PARD3: variants seen among roughly 807,000 people sequenced by gnomAD.
PARD3 encodes the protein partitioning defective 3 homolog.
A neutral mutation model predicts 155.4 loss-of-function variants in PARD3; 75 were observed. The observed-to-expected ratio is 0.48, with a 90% CI of 0.40 to 0.58. The LOEUF (loss-of-function observed/expected upper bound fraction) is 0.58, where lower values mean the gene tolerates loss of function less well. Among genes scored for constraint, PARD3 ranks in the 20% least tolerant of loss-of-function variants. The pLI, the probability that PARD3 is intolerant of heterozygous loss-of-function variation, is 0.00. For missense variants in PARD3, 1,642 were observed against 1,721.7 expected, an observed-to-expected ratio of 0.95 and a Z score of 0.82; for synonymous variants, 576 against 610.5, an observed-to-expected ratio of 0.94 and a Z score of 0.83.
In PARD3 at chr10:34,124,699, T is replaced by TTC. The variant is rs1265013114; in HGVS notation, c.3541-4961_3541-4960dup. ...TGAAAAGACTGCAAAGCACACCCGT[T>TTC]TCCCTCATGAAGTTTTTAGAAATGA... On this transcript the variant is annotated intron_variant, in intron 23 of 24. Transcript: ENST00000374788. Among the ~76,000 whole-genome samples, 11 of 152,296 alleles carry TTC rather than the reference T, an allele frequency of 7.2e-5. No individual in the cohort carries two copies. The East Asian group carries it at 1.9e-3, about 27-fold the overall frequency.
At chr10:34,303,944 A>G (rs1026022840) in intron 20 of PARD3, among the ~76,000 whole-genome samples, 4 of 152,184 alleles carry the variant, frequency 2.6e-5, no homozygotes, top group African/African-American at 9.7e-5. Flanking sequence ...GTGGAGCAAG[A>G]TAGAGGTACA....
Position 34,733,931 on chromosome 10 carries a change from A to C in PARD3, c.121-37512T>G, listed in dbSNP as rs112469250. On this transcript the variant is annotated intron_variant, in intron 1 of 24. Transcript: ENST00000374788. ...GAAGAGAGTAAATTATGCTTCTGCG[A>C]AAGTAAAATCAAAGCTGTTTTTTTT... Among the ~76,000 whole-genome samples the C allele has an allele frequency of 3.4e-3, 505 of 149,318 alleles. 1 individual carries two copies. The highest frequency in any genetic ancestry group is 0.012 in the African/African-American group (480 of 40,566).
chr10:34,348,775 C>A (rs78976144), intron 14 of PARD3, among the ~76,000 whole-genome samples: 4,098 of 152,030 alleles, frequency 0.027, 173 homozygotes, highest in African/African-American at 0.094. Context: ...ATATGAAAAT[C>A]GGGACCAAAT....
chr10:34,490,944 G>T (rs1477406753), intron 3 of PARD3, among the ~76,000 whole-genome samples: 1 of 152,170 alleles, frequency 6.6e-6, no homozygotes, highest in East Asian at 1.9e-4. Flanking sequence ...AGCTCTTCAG[G>T]TCATTGTAAC....
At chr10:34,593,063 AGG>A (rs2088871725) in intron 2 of PARD3, among the ~76,000 whole-genome samples, 1 of 152,206 alleles carries the variant, frequency 6.6e-6, no homozygotes, top group Non-Finnish European at 1.5e-5. Context: ...GTAAAGGAAG[AGG>A]GTAGTGAGAA....
At position 34,809,383 on chromosome 10, in the gene PARD3, C is replaced by T. The variant is rs181895169; in HGVS notation, c.120+5493G>A. On this transcript the variant is annotated intron_variant, in intron 1 of 24. Coordinates refer to ENST00000374788, the MANE Select transcript of PARD3 (RefSeq NM_001184785.2). ...GGCGCACGGATACACTTGAAAACCA[C>T]ACAGCACAGCCCAAGCATCTGAGTC... Among the ~76,000 whole-genome samples, 17 of 152,284 alleles carry T rather than the reference C, an allele frequency of 1.1e-4. No homozygotes were observed. The East Asian group carries it at 3.3e-3, about 29-fold the overall frequency.
At chr10:34,730,323 A>G (rs2094794205) in intron 1 of PARD3, among the ~76,000 whole-genome samples, 1 of 152,212 alleles carries the variant, frequency 6.6e-6, no homozygotes, top group African/African-American at 2.4e-5. Flanking sequence ...TAAAGGATAA[A>G]TTAACCAGAC....
At chr10:34,634,313 C>T (rs886880014) in intron 2 of PARD3, among the ~76,000 whole-genome samples, 2 of 152,046 alleles carry the variant, frequency 1.3e-5, no homozygotes. Flanking sequence ...CAGAACAGTA[C>T]GTATAGCGGG....
intron 1 of PARD3, among the ~76,000 whole-genome samples, chr10:34,807,762 T>G (rs532680511): frequency 2.6e-5 from 4 of 152,164 alleles, no homozygotes; most frequent in African/African-American, 7.2e-5. Context: ...ATATACTCTG[T>G]TTAGGTGAAA....
intron 2 of PARD3, among the ~76,000 whole-genome samples, chr10:34,542,232 TGTGTGTG>T (rs1429707340): frequency 2.2e-4 from 1 of 4,594 alleles, no homozygotes; most frequent in Non-Finnish European, 2.5e-3. Flanking sequence ...TGTGTGTGTG[TGTGTGTG>T]CACACACACA....
rs576431278 is a variant in PARD3 at position 34,411,753 on chromosome 10, T to C, written c.715-9836A>G. On this transcript the variant is annotated intron_variant, in intron 5 of 24. Transcript: ENST00000374788. Reference sequence around the variant, plus strand: ...ATATCTAGATAGATAGATAGATAGATAGATAGATAGATAGATAGATAGATA... The same window carrying C: ...ATATCTAGATAGATAGATAGATAGACAGATAGATAGATAGATAGATAGATA... Among the ~76,000 whole-genome samples the C allele has an allele frequency of 4.3e-4, 64 of 149,666 alleles. 1 individual carries two copies. The highest frequency in any genetic ancestry group is 1.6e-3 in the African/African-American group (62 of 39,382).
At chr10:34,335,784 A>G (rs1369177295) in intron 18 of PARD3, among the ~76,000 whole-genome samples, 2 of 152,074 alleles carry the variant, frequency 1.3e-5, no homozygotes, top group African/African-American at 4.8e-5. Context: ...TATTGGCACT[A>G]TTATCTTTCA....
intron 1 of PARD3, among the ~76,000 whole-genome samples, chr10:34,745,936 T>TA (rs1449518724): frequency 2.0e-5 from 3 of 151,696 alleles, no homozygotes; most frequent in South Asian, 2.1e-4. Flanking sequence ...CCGCCTCTAC[T>TA]AAAAAAATAC....
chr10:34,129,455 C>A (rs1179625005), intron 23 of PARD3, among the ~76,000 whole-genome samples: 2 of 152,126 alleles, frequency 1.3e-5, no homozygotes, highest in African/African-American at 2.4e-5. Flanking sequence ...GCCTGGCCTG[C>A]AATCATTTAT....
chr10:34,140,508 A>G (rs770752832), intron 22 of PARD3, among the ~76,000 whole-genome samples: 1 of 152,186 alleles, frequency 6.6e-6, no homozygotes, highest in Non-Finnish European at 1.5e-5. Context: ...ATGTCACAGA[A>G]AAGCAAACTG....
rs199660052 is a variant in PARD3 at position 34,336,280 on chromosome 10, A to C, written c.2561-37T>G. 7.2e-5 allele frequency: 109 copies of C among 1,522,068 alleles called. No individual in the cohort carries two copies. In the African/African-American group the frequency reaches 1.4e-3, roughly 19 times the overall value. 94.3% of individuals were successfully genotyped at this position (1,522,068 alleles called of 1,614,324 possible). A position where few individuals can be genotyped will look rare whatever the true frequency, so the allele number is the denominator to read the frequency against. On this transcript the variant is annotated intron_variant, in intron 17 of 24. Transcript: ENST00000374788. ...TAAATGTATAATAGTTAGCCCAGTTAGTTCCCATAGCCCACCATGCTTCCA... is the reference window on the plus strand; with the variant it reads ...TAAATGTATAATAGTTAGCCCAGTTCGTTCCCATAGCCCACCATGCTTCCA...
intron 2 of PARD3, among the ~76,000 whole-genome samples, chr10:34,589,902 C>T (rs1044760901): frequency 2.0e-4 from 31 of 152,154 alleles, no homozygotes; most frequent in East Asian, 1.9e-4. Context: ...TCTACTGCTA[C>T]GCACACTAGA....
chr10:34,366,304 G>C (rs1358895755), intron 12 of PARD3, among the ~76,000 whole-genome samples: 3 of 152,112 alleles, frequency 2.0e-5, no homozygotes, highest in Non-Finnish European at 4.4e-5. Context: ...TAATTATTTT[G>C]CCCAACTGAA....
intron 22 of PARD3, among the ~76,000 whole-genome samples, chr10:34,189,126 G>T (rs946186555): frequency 6.6e-6 from 1 of 152,138 alleles, no homozygotes; most frequent in Admixed American, 6.5e-5. Context: ...GAGGCCAAGA[G>T]CTCAAGACAA....
Sources: allele counts gnomAD v4.1 joint callset (sites outside exome capture counted in the v4.1 genomes callset), GRCh38; gene constraint gnomAD v4.1.1; transcripts MANE v1.5; gene names NCBI Gene and HGNC (gene_info 2026-07-23, HGNC 2026-07-21).